Variants in CDH23 observed in about 807,000 individuals in gnomAD.
The protein encoded by CDH23 is cadherin related 23.
A neutral mutation model predicts 317.1 loss-of-function variants in CDH23; 189 were observed. The ratio of observed to expected loss-of-function variants is 0.60; its 90% CI spans 0.53 to 0.67. CDH23 has a LOEUF of 0.67. Among genes scored for constraint, CDH23 ranks in the 30% least tolerant of loss-of-function variants. CDH23 has a pLI of 0.00. For missense variants in CDH23, 4,401 were observed against 4,592.4 expected, an observed-to-expected ratio of 0.96 and a Z score of 1.20; for synonymous variants, 1,839 against 1,876.8, an observed-to-expected ratio of 0.98 and a Z score of 0.52.
intron 1 of CDH23, among the ~76,000 whole-genome samples, chr10:71,427,189 AGGAAAG>A (rs1849117607): frequency 7.2e-5 from 2 of 27,880 alleles, no homozygotes; most frequent in Admixed American, 4.2e-4. Context: ...GAAGGAAGGA[AGGAAAG>A]AGAAAGAAAG....
intron 38 of CDH23, 113 bp downstream of exon 38, chr10:71,742,034 G>A: frequency 2.2e-6 from 2 of 889,764 alleles, no homozygotes; most frequent in Non-Finnish European, 3.4e-6. Flanking sequence ...GCGAATCCTT[G>A]ACAACTCCTT....
intron 38 of CDH23, chr10:71,760,557 C>T (rs1057470408): frequency 5.1e-5 from 14 of 274,878 alleles, no homozygotes; most frequent in African/African-American, 2.0e-4. Flanking sequence ...GTGGGCAGGG[C>T]GGCACTTAGC....
chr10:71,586,635 C>T (rs1039432761), intron 9 of CDH23, among the ~76,000 whole-genome samples: 2 of 152,198 alleles, frequency 1.3e-5, no homozygotes, highest in Non-Finnish European at 2.9e-5. Context: ...CCACACCTTA[C>T]CACCTGTGTG....
chr10:71,613,593 C>T (rs531252550), intron 9 of CDH23, among the ~76,000 whole-genome samples: 1 of 152,344 alleles, frequency 6.6e-6, no homozygotes, highest in Admixed American at 6.5e-5. Context: ...CTGACCAGCA[C>T]AGGCAGGTGA....
chr10:71,686,558 G>A (rs1564732023), intron 18 of CDH23, among the ~76,000 whole-genome samples: 3 of 152,118 alleles, frequency 2.0e-5, no homozygotes, highest in Non-Finnish European at 2.9e-5. Context: ...TGTCAGCAGC[G>A]ACTCCAGCAA....
At chr10:71,401,920 T>C (rs1331629085) in intron 1 of CDH23, among the ~76,000 whole-genome samples, 1 of 152,224 alleles carries the variant, frequency 6.6e-6, no homozygotes, top group Non-Finnish European at 1.5e-5. Context: ...GGATTCAACA[T>C]GAAAATGGCT....
intron 9 of CDH23, among the ~76,000 whole-genome samples, chr10:71,607,720 T>G (rs563866937): frequency 3.2e-4 from 48 of 152,238 alleles, no homozygotes; most frequent in Middle Eastern, 3.4e-3. Flanking sequence ...CTGGGCAACA[T>G]GGTGAAACCC....
At position 71,556,634 on chromosome 10, in the gene CDH23, C is replaced by T. The variant is rs191839578; in HGVS notation, c.430-10108C>T. ...AAAGGGAGGAGGCCACTCAGTGGTG[C>T]AGCCATAGGGAAAAACTGTTTTTAA... On this transcript the variant is annotated intron_variant, in intron 6 of 69. Coordinates refer to ENST00000224721, the MANE Select transcript of CDH23 (RefSeq NM_022124.6). Among the ~76,000 whole-genome samples the T allele has an allele frequency of 3.3e-5, 5 of 151,450 alleles. No individual in the cohort carries two copies. The East Asian group carries it at 7.7e-4, about 23-fold the overall frequency.
chr10:71,765,308 C>T (rs1250077380), intron 38 of CDH23, among the ~76,000 whole-genome samples: 2 of 152,246 alleles, frequency 1.3e-5, no homozygotes, highest in Admixed American at 6.5e-5. Flanking sequence ...AGCACACATA[C>T]CTTGGGGGCT....
chr10:71,652,240 T>A (rs1863210244), intron 14 of CDH23, among the ~76,000 whole-genome samples: 1 of 152,176 alleles, frequency 6.6e-6, no homozygotes, highest in Non-Finnish European at 1.5e-5. Flanking sequence ...CTCATCTCCC[T>A]GCCCCCTCTT....
In CDH23 at chr10:71,500,090, G is replaced by A. The variant is rs146956294; in HGVS notation, c.146-9992G>A. 6.7e-3 allele frequency among the ~76,000 whole-genome samples: 1,008 copies of A among 150,104 alleles called. 12 individuals are homozygous for A. The highest frequency in any genetic ancestry group is 0.019 in the African/African-American group (786 of 40,894). On this transcript the variant is annotated intron_variant, in intron 3 of 69. Transcript: ENST00000224721. ...TGGCTATAGTTAGCAATAATTTATT[G>A]TATATTTTAAAAGAGCTAGAAGAGA...
intron 38 of CDH23, among the ~76,000 whole-genome samples, chr10:71,742,699 A>AT (rs1255661943): frequency 6.6e-6 from 1 of 152,256 alleles, no homozygotes; most frequent in East Asian, 1.9e-4. Flanking sequence ...GGGGAATCAA[A>AT]TTAGCTCATG....
chr10:71,493,319 C>T (rs1403834353), intron 3 of CDH23, among the ~76,000 whole-genome samples: 1 of 152,162 alleles, frequency 6.6e-6, no homozygotes, highest in Non-Finnish European at 1.5e-5. Flanking sequence ...GACTTGCAAG[C>T]TGGCAGGGAT....
At chr10:71,633,411 C>T (rs1862111937) in intron 11 of CDH23, among the ~76,000 whole-genome samples, 1 of 152,154 alleles carries the variant, frequency 6.6e-6, no homozygotes, top group Non-Finnish European at 1.5e-5. Context: ...GGCCAATACA[C>T]ATACACGCCC....
chr10:71,609,658 T>C (rs557215324), intron 9 of CDH23, among the ~76,000 whole-genome samples: 5 of 152,350 alleles, frequency 3.3e-5, no homozygotes, highest in African/African-American at 1.2e-4. Context: ...TGGCCATTGC[T>C]TCTCTGTCTC....
chr10:71,436,801 A>T (rs901651908), intron 1 of CDH23, among the ~76,000 whole-genome samples: 1 of 152,162 alleles, frequency 6.6e-6, no homozygotes, highest in African/African-American at 2.4e-5. Context: ...ATGTTGTTTA[A>T]TTCTCATAAC....
In CDH23 at chr10:71,802,897, G is replaced by A; in HGVS notation, c.7483-1G>A. ...TTTGGCCTTGACCTCCATCCACCCA[G>A]GTGGTGATCCAAGTGCTGGATGTCA... On this transcript the variant is annotated splice_acceptor_variant, in intron 53 of 69. Transcript: ENST00000224721. LOFTEE classifies it high-confidence loss of function. The A allele has an allele frequency of 6.2e-7, 1 of 1,613,996 alleles. No homozygotes were observed. Among genetic ancestry groups the A allele is most frequent in the South Asian group, 1.1e-5 (1 of 91,072 alleles).
intron 11 of CDH23, among the ~76,000 whole-genome samples, chr10:71,634,696 C>T (rs1003313744): frequency 5.9e-5 from 9 of 152,232 alleles, no homozygotes; most frequent in African/African-American, 1.7e-4. Context: ...GCATGGTGTC[C>T]TTGAGTTAAG....
rs1840852398 is a variant in CDH23, at chr10:71,777,798, T to A, written c.4964T>A (p.Ile1655Asn). 1 of 1,613,888 alleles carries A rather than the reference T, an allele frequency of 6.2e-7. No individual in the cohort carries two copies. The highest frequency in any genetic ancestry group is 1.3e-5 in the African/African-American group (1 of 75,006). ...CCAGACACGCTCAACACCAGCCTCA[T>A]CACCATCCAGGCACTGGACCTGGAT... is the stretch of plus-strand genomic sequence containing the variant. ...EGPDTLNTSL[I>N]TIQALDLDEG... Residue 1655 changes from isoleucine (I) to asparagine (N), a missense_variant, in exon 39 of 70, where the codon ATC becomes AAC. Ile to Asn is a moderately radical substitution (Grantham distance 149). Transcript: ENST00000224721.
Sources: allele counts gnomAD v4.1 joint callset (sites outside exome capture counted in the v4.1 genomes callset), GRCh38; gene constraint gnomAD v4.1.1; transcripts MANE v1.5; gene names NCBI Gene and HGNC (gene_info 2026-07-23, HGNC 2026-07-21).